ZNF608: variants seen among roughly 807,000 people sequenced by gnomAD.
ZNF608 encodes renal carcinoma antigen NY-REN-36.
In ZNF608, 12 loss-of-function variants were observed where a neutral mutation model predicts 109.0. The observed-to-expected ratio is 0.11, with a 90% CI of 0.07 to 0.18. ZNF608 has a LOEUF of 0.18. Among genes scored for constraint, ZNF608 ranks in the 10% least tolerant of loss-of-function variants. The probability of loss-of-function intolerance (pLI) is 1.00; values close to 1 mark genes in which losing one functional copy is unlikely to be tolerated. For synonymous variants in ZNF608, 732 were observed against 717.4 expected (o/e 1.02, Z -0.33); for missense variants, 1,707 against 1,879.3 (o/e 0.91, Z 1.70).
chr5:124,715,631 G>A (rs536175360), intron 2 of ZNF608, among the ~76,000 whole-genome samples: 2 of 152,074 alleles, frequency 1.3e-5, no homozygotes, highest in East Asian at 3.9e-4. Flanking sequence ...TGCCATAATG[G>A]TAATATACAC....
chr5:124,667,292 C>T (rs1751517669), intron 3 of ZNF608, among the ~76,000 whole-genome samples: 1 of 152,140 alleles, frequency 6.6e-6, no homozygotes, highest in South Asian at 2.1e-4. Context: ...AGCATTTATA[C>T]ATAAAGCACT....
chr5:124,722,100 A>C lies in ZNF608; in HGVS notation c.907-20831T>G, dbSNP rs372478038. ...CTGCAGGAGGGAACAATCTACCTAA[A>C]GGCCACATGTGGCCAACATCAGCAG... On this transcript the variant is annotated intron_variant, in intron 2 of 9. Coordinates refer to ENST00000513986, the MANE Select transcript of ZNF608 (RefSeq NM_020747.3). Among the ~76,000 whole-genome samples, 20 of 152,144 alleles carry C rather than the reference A, an allele frequency of 1.3e-4. No individual in the cohort carries two copies. In the East Asian group the frequency reaches 2.5e-3, roughly 19 times the overall value.
intron 3 of ZNF608, among the ~76,000 whole-genome samples, chr5:124,661,324 C>A (rs1751246755): frequency 6.6e-6 from 1 of 152,124 alleles, no homozygotes; most frequent in African/African-American, 2.4e-5. Flanking sequence ...AAATGAGACT[C>A]TGCAGCAAGG....
chr5:124,713,612 T>C (rs1320743556), intron 2 of ZNF608, among the ~76,000 whole-genome samples: 1 of 152,264 alleles, frequency 6.6e-6, no homozygotes, highest in South Asian at 2.1e-4. Flanking sequence ...TTTTCTCTCT[T>C]GTTATCCAAG....
intron 8 of ZNF608, among the ~76,000 whole-genome samples, chr5:124,640,374 T>A (rs1304788730): frequency 6.6e-6 from 1 of 152,172 alleles, no homozygotes; most frequent in African/African-American, 2.4e-5. Flanking sequence ...AGTGTCCTTA[T>A]AAGAAAGCAC....
At chr5:124,644,933 C>CCAGT (rs1750429639) in intron 5 of ZNF608, among the ~76,000 whole-genome samples, 1 of 152,134 alleles carries the variant, frequency 6.6e-6, no homozygotes, top group Admixed American at 6.5e-5. Flanking sequence ...ATGCTGCTGC[C>CCAGT]CAGTCGTGGA....
chr5:124,647,423 A>C lies in ZNF608; in HGVS notation c.2961T>G (p.Ser987=), dbSNP rs1438935282. ...AGGGAGAATGGGACTCTTTCAGTTG[A>C]GATGATTGTGCTGTAGTTGAAGAAT... ...KGHSSTTAQS[S]QLKESHSPYY... Residue 987 remains serine (S), a synonymous_variant, in exon 5 of 10, where the codon TCT becomes TCG. Coordinates refer to ENST00000513986, the MANE Select transcript of ZNF608 (RefSeq NM_020747.3). 3 of 1,614,106 alleles carry C rather than the reference A, an allele frequency of 1.9e-6. No homozygotes were observed.
At chr5:124,671,081 T>C (rs977519225) in intron 3 of ZNF608, among the ~76,000 whole-genome samples, 1 of 152,194 alleles carries the variant, frequency 6.6e-6, no homozygotes, top group African/African-American at 2.4e-5. Context: ...GTACACACTA[T>C]ATTTTCCCAG....
rs1284139782 is a variant in ZNF608 at position 124,649,650 on chromosome 5, T to C, written c.1210A>G (p.Thr404Ala). The part of the protein sequence containing the change: ...VTWRNKTYVG[T>A]LLDCTKHDWA... ...TCGTGCTTGGTGCAGTCCAGTAGGG[T>C]TCCCACGTACGTTTTGTTCCTCCAC... Residue 404 changes from threonine (T) to alanine (A), a missense_variant, in exon 4 of 10, where the codon ACC becomes GCC. Around this residue, in one of 7 missense-constraint regions of ZNF608, gnomAD observed 166 missense variants for 204.2 expected, o/e 0.81. Coordinates refer to ENST00000513986, the MANE Select transcript of ZNF608 (RefSeq NM_020747.3). 1 of 1,610,034 alleles carries C rather than the reference T, an allele frequency of 6.2e-7. No individual in the cohort carries two copies. Among genetic ancestry groups the C allele is most frequent in the Non-Finnish European group, 8.5e-7 (1 of 1,177,316 alleles).
intron 2 of ZNF608, among the ~76,000 whole-genome samples, chr5:124,704,415 T>C (rs1245189524): frequency 6.6e-6 from 1 of 151,940 alleles, no homozygotes; most frequent in Non-Finnish European, 1.5e-5. Flanking sequence ...CCATTCACTG[T>C]GAGATGTCGG....
chr5:124,708,718 T>G (rs2149861656), intron 2 of ZNF608: 1 of 456,332 alleles, frequency 2.2e-6, no homozygotes, highest in African/African-American at 2.0e-5. Flanking sequence ...TTATCAGGTA[T>G]GAAGACCAAC....
At chr5:124,677,284 C>A (rs200727686) in intron 3 of ZNF608, among the ~76,000 whole-genome samples, 23 of 152,156 alleles carry the variant, frequency 1.5e-4, no homozygotes, top group African/African-American at 2.4e-5. Flanking sequence ...ATAATCCCCC[C>A]CTTTGAAAGG....
At chr5:124,692,094 A>C (rs1752651413) in intron 3 of ZNF608, among the ~76,000 whole-genome samples, 1 of 152,242 alleles carries the variant, frequency 6.6e-6, no homozygotes, top group African/African-American at 2.4e-5. Flanking sequence ...TGAGGGAAAA[A>C]GTATGTCAAA....
At chr5:124,693,912 C>A (rs1752716770) in intron 3 of ZNF608, among the ~76,000 whole-genome samples, 2 of 143,616 alleles carry the variant, frequency 1.4e-5, no homozygotes, top group African/African-American at 5.1e-5. Context: ...TATGTGAAGA[C>A]CTGTCTTCCA....
At chr5:124,652,527 C>G (rs780292577) in intron 3 of ZNF608, among the ~76,000 whole-genome samples, 1 of 152,208 alleles carries the variant, frequency 6.6e-6, no homozygotes, top group Non-Finnish European at 1.5e-5. Flanking sequence ...GCCCACAATT[C>G]ACATCCGAAT....
intron 2 of ZNF608, among the ~76,000 whole-genome samples, chr5:124,709,848 AG>A (rs1561575853): frequency 6.6e-6 from 1 of 152,248 alleles, no homozygotes; most frequent in African/African-American, 2.4e-5. Context: ...GCACTAAAAA[AG>A]CCTGTGTTCT....
chr5:124,706,679 T>A (rs1753270486), intron 2 of ZNF608, among the ~76,000 whole-genome samples: 1 of 152,138 alleles, frequency 6.6e-6, no homozygotes, highest in African/African-American at 2.4e-5. Flanking sequence ...GACACTGATG[T>A]AACCTATTAG....
rs769795565 is a variant in ZNF608, at chr5:124,649,625, T to C, written c.1235A>G (p.Asp412Gly). ...VGTLLDCTKH[D>G]WAPPRFCESP... ...CTGTTCATACCTGGGAGGGGCCCAG[T>C]CGTGCTTGGTGCAGTCCAGTAGGGT... is the stretch of plus-strand genomic sequence containing the variant. Residue 412 changes from aspartate to glycine, a missense_variant, in exon 4 of 10, where the codon GAC becomes GGC. Asp to Gly is a moderately conservative substitution (Grantham distance 94). Coordinates refer to ENST00000513986, the MANE Select transcript of ZNF608 (RefSeq NM_020747.3). The C allele has an allele frequency of 6.2e-7, 1 of 1,612,270 alleles. No individual in the cohort carries two copies. The highest frequency in any genetic ancestry group is 8.5e-7 in the Non-Finnish European group (1 of 1,179,184).
intron 3 of ZNF608, among the ~76,000 whole-genome samples, chr5:124,660,519 A>C (rs1230638105): frequency 6.6e-6 from 1 of 152,136 alleles, no homozygotes; most frequent in Non-Finnish European, 1.5e-5. Flanking sequence ...GTCATTTCTG[A>C]GGAGTAGGAA....
Sources: gnomAD v4.1 joint callset for allele counts (sites outside exome capture counted in the v4.1 genomes callset) on GRCh38, gnomAD v4.1.1 for gene constraint, gnomAD v4.1.1 regional missense constraint, MANE v1.5 for transcripts, NCBI Gene and HGNC (gene_info 2026-07-23, HGNC 2026-07-21) for gene names.